Variants in CADPS2 observed in about 807,000 individuals in gnomAD.
CADPS2 encodes the protein calcium dependent secretion activator 2, also known as calcium-dependent secretion activator 2.
A neutral mutation model predicts 172.5 loss-of-function variants in CADPS2; 93 were observed. That is an observed-to-expected ratio of 0.54 (90% CI 0.46 to 0.64). CADPS2 has a LOEUF of 0.64. Among genes scored for constraint, CADPS2 ranks in the 30% least tolerant of loss-of-function variants. The pLI is 0.00. For synonymous variants in CADPS2, 546 were observed against 555.2 expected (o/e 0.98, Z 0.23); for missense variants, 1,420 against 1,565.9 (o/e 0.91, Z 1.57).
At chr7:122,648,718 A>G (rs773843089) in intron 3 of CADPS2, among the ~76,000 whole-genome samples, 9 of 152,184 alleles carry the variant, frequency 5.9e-5, no homozygotes, top group Non-Finnish European at 8.8e-5. Flanking sequence ...GTTTTGACCC[A>G]GGCCATAGTT....
intron 6 of CADPS2, among the ~76,000 whole-genome samples, chr7:122,583,732 AAC>A (rs2069188152): frequency 6.6e-6 from 1 of 151,418 alleles, no homozygotes; most frequent in Non-Finnish European, 1.5e-5. Flanking sequence ...TAGCATATAT[AAC>A]AGACATCCTA....
At chr7:122,490,318 T>C (rs761791491) in intron 10 of CADPS2, 37 bp from the exon 11 acceptor site, 12 of 1,589,872 alleles carry the variant, frequency 7.5e-6, no homozygotes, top group Admixed American at 1.7e-5. Context: ...TAAAAATTTA[T>C]AGGATTGGCA....
intron 1 of CADPS2, among the ~76,000 whole-genome samples, chr7:122,762,029 TAC>T (rs55789434): frequency 0.37 from 45,679 of 123,674 alleles, 9,431 homozygotes; most frequent in East Asian, 0.58. Context: ...TATATATATA[TAC>T]ACACACACAC....
intron 6 of CADPS2, among the ~76,000 whole-genome samples, chr7:122,614,385 T>G (rs1029186173): frequency 6.6e-6 from 1 of 152,146 alleles, no homozygotes; most frequent in African/African-American, 2.4e-5. Flanking sequence ...CAGTGCCTAT[T>G]TGGGATCTCA....
chr7:122,435,601 A>T (rs1391098336), intron 17 of CADPS2, among the ~76,000 whole-genome samples: 1 of 152,152 alleles, frequency 6.6e-6, no homozygotes, highest in Non-Finnish European at 1.5e-5. Flanking sequence ...CCACTATGAA[A>T]AATAGTATGG....
At chr7:122,869,691 T>C (rs968393815) in intron 1 of CADPS2, among the ~76,000 whole-genome samples, 2 of 152,100 alleles carry the variant, frequency 1.3e-5, no homozygotes, top group African/African-American at 2.4e-5. Context: ...ACTTATACTG[T>C]AATGGAGTTG....
chr7:122,547,568 T>C (rs2063755542), intron 8 of CADPS2, among the ~76,000 whole-genome samples: 1 of 152,178 alleles, frequency 6.6e-6, no homozygotes, highest in South Asian at 2.1e-4. Flanking sequence ...CTAGGCAATG[T>C]TCTAAAAATT....
chr7:122,323,573 A>C (rs1467751045), intron 29 of CADPS2, among the ~76,000 whole-genome samples: 1 of 151,996 alleles, frequency 6.6e-6, no homozygotes, highest in African/African-American at 2.4e-5. Context: ...ATAAAATGAA[A>C]AAATTTCACT....
intron 2 of CADPS2, among the ~76,000 whole-genome samples, chr7:122,730,056 T>C (rs927353849): frequency 2.0e-5 from 3 of 151,644 alleles, no homozygotes; most frequent in Non-Finnish European, 2.9e-5. Context: ...AAAAAATTAA[T>C]GCAAAATACA....
intron 1 of CADPS2, among the ~76,000 whole-genome samples, chr7:122,829,604 T>C (rs1805896443): frequency 6.6e-6 from 1 of 152,206 alleles, no homozygotes; most frequent in African/African-American, 2.4e-5. Context: ...ACAAAAAGCT[T>C]GTGACATAGT....
At chr7:122,448,338 C>A (rs558156641) in intron 15 of CADPS2, among the ~76,000 whole-genome samples, 3 of 152,102 alleles carry the variant, frequency 2.0e-5, no homozygotes, top group Non-Finnish European at 2.9e-5. Context: ...ATGGGGGAAA[C>A]CTCCCCTACC....
intron 1 of CADPS2, among the ~76,000 whole-genome samples, chr7:122,783,214 C>T (rs1006593723): frequency 6.7e-6 from 1 of 148,588 alleles, no homozygotes; most frequent in African/African-American, 2.5e-5. Flanking sequence ...AAAACAAAAA[C>T]AAAAAAACCA....
chr7:122,434,111 AG>A (rs975218014), intron 17 of CADPS2, among the ~76,000 whole-genome samples: 70 of 152,224 alleles, frequency 4.6e-4, no homozygotes, highest in Non-Finnish European at 2.2e-4. Context: ...GGAATGTTGT[AG>A]GGGAGAAAAT....
chr7:122,606,346 G>T (rs984413605), intron 6 of CADPS2, among the ~76,000 whole-genome samples: 4 of 152,098 alleles, frequency 2.6e-5, no homozygotes, highest in African/African-American at 7.2e-5. Flanking sequence ...GAATTAGAGG[G>T]TTCCTACTCA....
Position 122,539,586 on chromosome 7 carries a change from C to T in CADPS2, c.1475+14964G>A, listed in dbSNP as rs190988911. ...AAATAACAGTATTCAATGCTCTGTG[C>T]TCCAAATCCTAAGGAAAACAAAAAG... On this transcript the variant is annotated intron_variant, in intron 8 of 29. Coordinates refer to ENST00000449022, the MANE Select transcript of CADPS2 (RefSeq NM_017954.11). Among the ~76,000 whole-genome samples, 133 of 152,182 alleles carry T rather than the reference C, an allele frequency of 8.7e-4. No individual in the cohort carries two copies. The Middle Eastern group carries it at 0.01, about 12-fold the overall frequency.
At chr7:122,697,541 T>C (rs1324060775) in intron 2 of CADPS2, among the ~76,000 whole-genome samples, 1 of 152,116 alleles carries the variant, frequency 6.6e-6, no homozygotes, top group Non-Finnish European at 1.5e-5. Context: ...CATATAAATA[T>C]ACATATGTAC....
intron 9 of CADPS2, among the ~76,000 whole-genome samples, chr7:122,505,710 CA>C (rs2059560183): frequency 6.6e-6 from 1 of 152,158 alleles, no homozygotes; most frequent in Non-Finnish European, 1.5e-5. Context: ...GAAAAAGGTG[CA>C]ATCTGGCGTT....
At chr7:122,377,927 A>G (rs1035253288) in intron 25 of CADPS2, among the ~76,000 whole-genome samples, 1 of 152,002 alleles carries the variant, frequency 6.6e-6, no homozygotes, top group Non-Finnish European at 1.5e-5. Flanking sequence ...TAATTTGAAA[A>G]CTACAAAAAA....
chr7:122,690,458 A>C (rs1380874714), intron 2 of CADPS2, among the ~76,000 whole-genome samples: 1 of 152,204 alleles, frequency 6.6e-6, no homozygotes, highest in Non-Finnish European at 1.5e-5. Context: ...AAGGAGTAAC[A>C]TGTAAGTTAT....
Sources: allele counts gnomAD v4.1 joint callset (sites outside exome capture counted in the v4.1 genomes callset), GRCh38; gene constraint gnomAD v4.1.1; transcripts MANE v1.5; gene names NCBI Gene and HGNC (gene_info 2026-07-23, HGNC 2026-07-21).